The following VGLL1 variants were observed in gnomAD, a reference collection of about 807,000 sequenced individuals.
The protein encoded by VGLL1 is transcription cofactor vestigial-like protein 1.
Under a neutral mutation model 12.0 loss-of-function variants are expected in VGLL1, and 4 were observed. The ratio of observed to expected loss-of-function variants is 0.33; its 90% CI spans 0.16 to 0.76. The LOEUF (loss-of-function observed/expected upper bound fraction) is 0.76, where lower values mean the gene tolerates loss of function less well. Ranked by LOEUF, VGLL1 falls within the 30% of genes least tolerant of loss-of-function variation. The pLI is 0.60. For missense variants in VGLL1, 204 were observed against 208.7 expected, an observed-to-expected ratio of 0.98 and a Z score of 0.14; for synonymous variants, 87 against 81.2, an observed-to-expected ratio of 1.07 and a Z score of -0.39.
At chrX:136,549,834 C>T (rs761662393) in intron 3 of VGLL1, among the ~76,000 whole-genome samples, 5 of 111,660 alleles carry the variant, frequency 4.5e-5, no homozygotes, top group African/African-American at 1.6e-4. Flanking sequence ...ATATGAAACA[C>T]TTATAAATAT....
At chrX:136,553,120 T>C (rs1412053931) in intron 4 of VGLL1, among the ~76,000 whole-genome samples, 1 of 109,444 alleles carries the variant, frequency 9.1e-6, no homozygotes, top group East Asian at 2.9e-4. Context: ...AGGGACTTCC[T>C]AGGGCTCCAA....
intron 2 of VGLL1, among the ~76,000 whole-genome samples, chrX:136,541,590 T>G (rs1008391365): frequency 1.8e-5 from 2 of 111,812 alleles, no homozygotes; most frequent in Admixed American, 9.4e-5. Context: ...TGGTGGGAAA[T>G]CTTTCAAGTG....
intron 2 of VGLL1, among the ~76,000 whole-genome samples, chrX:136,537,521 C>T (rs1174391669): frequency 8.9e-6 from 1 of 111,841 alleles, no homozygotes; most frequent in Non-Finnish European, 1.9e-5. Context: ...CACAATGAAA[C>T]TCCACAACTA....
chrX:136,542,677 G>A (rs2075859809), intron 2 of VGLL1, among the ~76,000 whole-genome samples: 1 of 112,122 alleles, frequency 8.9e-6, no homozygotes, highest in African/African-American at 3.2e-5. Context: ...TTACAGAGCA[G>A]GAAACTGCAG....
At chrX:136,551,695 T>C (rs1449187936) in intron 4 of VGLL1, among the ~76,000 whole-genome samples, 2 of 111,617 alleles carry the variant, frequency 1.8e-5, no homozygotes, top group Non-Finnish European at 3.8e-5. Flanking sequence ...GGCTGGCACA[T>C]TACTCTAAGC....
At chrX:136,543,964 C>T (rs758431559) in intron 2 of VGLL1, among the ~76,000 whole-genome samples, 65 of 111,940 alleles carry the variant, frequency 5.8e-4, no homozygotes, top group Admixed American at 2.8e-3. Flanking sequence ...TATTTACAAA[C>T]ATAAAATATA....
At chrX:136,551,041 T>C in intron 4 of VGLL1, 1 of 342,236 alleles carries the variant, frequency 2.9e-6, no homozygotes, top group East Asian at 5.1e-5. Flanking sequence ...CTTGTAAAAT[T>C]TTATTTTGCT....
At chrX:136,540,712 T>G (rs1032496884) in intron 2 of VGLL1, among the ~76,000 whole-genome samples, 2 of 111,900 alleles carry the variant, frequency 1.8e-5, no homozygotes, top group African/African-American at 6.5e-5. Context: ...CCTACCACAA[T>G]GCCTGACACA....
At chrX:136,555,362 T>C (rs944424646) in intron 4 of VGLL1, among the ~76,000 whole-genome samples, 5 of 111,972 alleles carry the variant, frequency 4.5e-5, no homozygotes, top group African/African-American at 1.3e-4. Flanking sequence ...GTGGAGATAG[T>C]AAATTCGAGG....
At chrX:136,549,564 C>A (rs1480245439) in intron 3 of VGLL1, among the ~76,000 whole-genome samples, 1 of 110,407 alleles carries the variant, frequency 9.1e-6, no homozygotes, top group Non-Finnish European at 1.9e-5. Context: ...CTTGCTCCTG[C>A]ACTCTGGGAT....
chrX:136,541,716 C>T (rs2075856506), intron 2 of VGLL1, among the ~76,000 whole-genome samples: 1 of 112,048 alleles, frequency 8.9e-6, no homozygotes, highest in African/African-American at 3.2e-5. Flanking sequence ...CTCCCATGGC[C>T]GACTCGCCCA....
At chrX:136,553,979 C>T (rs1208775107) in intron 4 of VGLL1, among the ~76,000 whole-genome samples, 3 of 112,298 alleles carry the variant, frequency 2.7e-5, no homozygotes, top group Non-Finnish European at 5.6e-5. Flanking sequence ...TTATATATTG[C>T]TTCAATGGCT....
intron 4 of VGLL1, among the ~76,000 whole-genome samples, chrX:136,551,340 T>A (rs764845600): frequency 2.9e-4 from 32 of 111,701 alleles, no homozygotes; most frequent in Non-Finnish European, 5.1e-4. Flanking sequence ...GATGTTCAGT[T>A]TTCAGCCTAG....
At chrX:136,540,905 A>G (rs1030810483) in intron 2 of VGLL1, among the ~76,000 whole-genome samples, 10 of 111,836 alleles carry the variant, frequency 8.9e-5, no homozygotes, top group African/African-American at 2.9e-4. Flanking sequence ...CAGACATATC[A>G]CTTCTCCTCT....
chrX:136,553,892 G>T (rs753952833), intron 4 of VGLL1, among the ~76,000 whole-genome samples: 13 of 112,026 alleles, frequency 1.2e-4, no homozygotes, highest in Non-Finnish European at 1.5e-4. Context: ...CATTCTGGAG[G>T]TTAGTCTCAC....
At chrX:136,532,651 TTCTTTCTTTCTTTTTC>T (rs2075828259) in intron 1 of VGLL1, among the ~76,000 whole-genome samples, 3 of 80,482 alleles carry the variant, frequency 3.7e-5, no homozygotes, top group African/African-American at 9.3e-5. Context: ...CTTTCTTTCT[TTCTTTCTTTCTTTTTC>T]TTTCTTTCTT....
At chrX:136,535,885 C>A in intron 1 of VGLL1, 111 bp from the exon 2 acceptor site, 1 of 578,268 alleles carries the variant, frequency 1.7e-6, no homozygotes, top group Non-Finnish European at 2.7e-6. Context: ...CCCCAGTGAG[C>A]ACGTGTACCT....
intron 2 of VGLL1, among the ~76,000 whole-genome samples, chrX:136,545,429 T>C (rs1018673923): frequency 1.8e-5 from 2 of 112,052 alleles, no homozygotes; most frequent in Admixed American, 1.9e-4. Flanking sequence ...ACTGTGCAAG[T>C]TCTTGGGGAT....
chrX:136,553,296 A>G (rs1412356605), intron 4 of VGLL1, among the ~76,000 whole-genome samples: 7 of 96,923 alleles, frequency 7.2e-5, no homozygotes, highest in Middle Eastern at 5.5e-3. Flanking sequence ...TTGCCTCTTC[A>G]TGTTTTATTC....
Sources: allele counts gnomAD v4.1 joint callset (sites outside exome capture counted in the v4.1 genomes callset), GRCh38; gene constraint gnomAD v4.1.1; transcripts MANE v1.5; gene names NCBI Gene and HGNC (gene_info 2026-07-23, HGNC 2026-07-21).